Variants in HERC4 observed in about 807,000 individuals in gnomAD.
HERC4 encodes probable E3 ubiquitin-protein ligase HERC4.
HERC4 carries 28 observed loss-of-function variants against 124.3 expected under a neutral mutation model. That is an observed-to-expected ratio of 0.23 (90% confidence interval 0.17 to 0.31). HERC4 has a LOEUF of 0.31. Ranked by LOEUF, HERC4 falls within the 10% of genes least tolerant of loss-of-function variation. The pLI is 1.00. For synonymous variants in HERC4, 407 were observed against 421.5 expected (o/e 0.97, Z 0.42); for missense variants, 713 against 1,229.3 (o/e 0.58, Z 6.28).
chr10:67,950,527 C>T (rs190980455), intron 19 of HERC4, among the ~76,000 whole-genome samples: 3 of 152,178 alleles, frequency 2.0e-5, no homozygotes, highest in East Asian at 1.9e-4. Context: ...CCAACCACCT[C>T]GGCCTCCCAA....
intron 24 of HERC4, 85 bp downstream of exon 24, chr10:67,925,000 A>C: frequency 1.4e-6 from 1 of 719,222 alleles, no homozygotes; most frequent in East Asian, 2.7e-5. Context: ...CAAAAAAATT[A>C]CTTGAAGATT....
At chr10:68,069,813 C>A in intron 3 of HERC4, 1 of 838,748 alleles carries the variant, frequency 1.2e-6, no homozygotes, top group Non-Finnish European at 1.4e-6. Context: ...GAGGCCAAGG[C>A]GGGCAGATCA....
chr10:67,957,046 CT>C (rs1483996887), intron 16 of HERC4, 70 bp from the exon 17 acceptor site: 41 of 797,556 alleles, frequency 5.1e-5, no homozygotes, highest in Non-Finnish European at 3.5e-5. Context: ...GCTGACATTT[CT>C]TATAAAGTGG....
At chr10:67,937,049 G>C (rs542205213) in intron 21 of HERC4, among the ~76,000 whole-genome samples, 37 of 152,270 alleles carry the variant, frequency 2.4e-4, no homozygotes, top group Admixed American at 3.3e-4. Flanking sequence ...GAAAGAACTT[G>C]AGGAAGAAAT....
chr10:68,075,264 G>C lies in HERC4; in HGVS notation c.-229C>G, dbSNP rs946122021. On this transcript the variant is annotated 5_prime_UTR_variant, in exon 1 of 25. Transcript: ENST00000373700. Reference sequence around the variant, plus strand: ...GCGGGGCGGAGAGCACCAGGGGTGGGGAGAGTTGGGGAAGAGACTGGGTAG... The same window carrying C: ...GCGGGGCGGAGAGCACCAGGGGTGGCGAGAGTTGGGGAAGAGACTGGGTAG... The C allele has an allele frequency of 1.3e-5, 2 of 152,964 alleles. No homozygotes were observed. Among genetic ancestry groups the C allele is most frequent in the African/African-American group, 4.8e-5 (2 of 41,406 alleles). The allele number at this position is 152,964 out of a possible 1,614,324, so 9.5% of individuals were successfully genotyped here.
intron 16 of HERC4, among the ~76,000 whole-genome samples, chr10:67,961,780 T>C (rs1458989644): frequency 6.6e-6 from 1 of 152,114 alleles, no homozygotes; most frequent in Non-Finnish European, 1.5e-5. Context: ...CTATATTAAG[T>C]AAAGCCAAAG....
intron 3 of HERC4, among the ~76,000 whole-genome samples, chr10:68,054,350 A>ATT (rs758802746): frequency 7.5e-5 from 10 of 132,684 alleles, no homozygotes; most frequent in African/African-American, 1.1e-4. Flanking sequence ...GTATTTAATG[A>ATT]TTTTTTTTTT....
chr10:67,981,667 C>T (rs1346110042), intron 15 of HERC4, among the ~76,000 whole-genome samples: 1 of 152,156 alleles, frequency 6.6e-6, no homozygotes, highest in African/African-American at 2.4e-5. Context: ...TTCAAAAAAA[C>T]TGAAATAGGC....
At chr10:67,966,321 AT>A (rs1254663171) in intron 16 of HERC4, 4 of 214,430 alleles carry the variant, frequency 1.9e-5, no homozygotes, top group African/African-American at 7.2e-5. Flanking sequence ...ACAATAATGC[AT>A]TCTTAGGAGT....
At chr10:67,997,852 G>T (rs1009098678) in intron 9 of HERC4, among the ~76,000 whole-genome samples, 1 of 152,104 alleles carries the variant, frequency 6.6e-6, no homozygotes, top group African/African-American at 2.4e-5. Context: ...TGTATCCATA[G>T]GTTCCATATT....
intron 9 of HERC4, among the ~76,000 whole-genome samples, chr10:68,009,445 G>C (rs2037796914): frequency 6.6e-6 from 1 of 151,822 alleles, no homozygotes; most frequent in South Asian, 2.1e-4. Context: ...GTGTGCAATA[G>C]CATTGTATCT....
rs146287800 is a variant in HERC4, at chr10:68,032,847, T to C, written c.708A>G (p.Leu236=). ...DENDRYVPNL[L]KSLRSQKIVY... Reference sequence around the variant, plus strand: ...CTATTTTCTGAGATCTTAGTGACTTTAGTAAATTAGGAACATACCTATCTG... The same window carrying C: ...CTATTTTCTGAGATCTTAGTGACTTCAGTAAATTAGGAACATACCTATCTG... Residue 236 remains leucine, a synonymous_variant, in exon 7 of 25, where the codon CTA becomes CTG. Coordinates refer to ENST00000373700, the MANE Select transcript of HERC4 (RefSeq NM_015601.4). 2.6e-6 allele frequency: 4 copies of C among 1,548,714 alleles called. No homozygotes were observed. Among genetic ancestry groups the C allele is most frequent in the South Asian group, 2.2e-5 (2 of 89,772 alleles).
chr10:67,972,059 T>C (rs1188717795), intron 15 of HERC4, among the ~76,000 whole-genome samples: 1 of 150,584 alleles, frequency 6.6e-6, no homozygotes, highest in Non-Finnish European at 1.5e-5. Context: ...ACTACAAATG[T>C]AAGAATTAGC....
chr10:68,048,575 A>G (rs190088372), intron 3 of HERC4, among the ~76,000 whole-genome samples: 1 of 152,324 alleles, frequency 6.6e-6, no homozygotes, highest in East Asian at 1.9e-4. Context: ...TGATATTACA[A>G]TGATGGATAC....
At chr10:68,034,563 C>A (rs1014065760) in intron 5 of HERC4, among the ~76,000 whole-genome samples, 1 of 152,154 alleles carries the variant, frequency 6.6e-6, no homozygotes, top group African/African-American at 2.4e-5. Flanking sequence ...TAATAACTAT[C>A]TGCTGATCAC....
chr10:67,972,051 T>A (rs931678021), intron 15 of HERC4, among the ~76,000 whole-genome samples: 8 of 151,686 alleles, frequency 5.3e-5, no homozygotes, highest in African/African-American at 1.9e-4. Flanking sequence ...CCATCTTTAC[T>A]ACAAATGTAA....
Position 67,932,619 on chromosome 10 carries a change from T to A in HERC4, c.2816A>T (p.Tyr939Phe). 1.2e-6 allele frequency: 2 copies of A among 1,611,094 alleles called. No homozygotes were observed. Among genetic ancestry groups the A allele is most frequent in the Non-Finnish European group, 1.7e-6 (2 of 1,179,142 alleles). The change falls in exon 23 of 25, where the codon TAT becomes TTT. Residue 939 changes from tyrosine to phenylalanine, a missense_variant. By Grantham distance (22) the Tyr-to-Phe change is conservative. Transcript: ENST00000373700. ...TACCTTTTCCAGTTCCTTCCAATCA[T>A]AATTTGTATTTCCAATGACCATTGC... ...LQAMVIGNTN[Y>F]DWKELEKNTE...
At chr10:67,955,484 G>C in intron 17 of HERC4, 1 of 166,752 alleles carries the variant, frequency 6.0e-6, no homozygotes, top group Non-Finnish European at 1.3e-5. Context: ...AAGAGTATAA[G>C]GAACAGGCTG....
chr10:68,061,879 T>TAAAAAAAAAAAA (rs71470503), intron 3 of HERC4, among the ~76,000 whole-genome samples: 2 of 54,880 alleles, frequency 3.6e-5, no homozygotes, highest in African/African-American at 8.3e-5. Context: ...AGACTCCATT[T>TAAAAAAAAAAAA]AAAAAAAAAA....
Sources: gnomAD v4.1 joint callset for allele counts (sites outside exome capture counted in the v4.1 genomes callset) on GRCh38, gnomAD v4.1.1 for gene constraint, MANE v1.5 for transcripts, NCBI Gene and HGNC (gene_info 2026-07-23, HGNC 2026-07-21) for gene names.